Variants in ABCA3 observed in about 807,000 individuals in gnomAD.
The protein encoded by ABCA3 is ATP binding cassette subfamily A member 3.
In ABCA3, 88 loss-of-function variants were observed where a neutral mutation model predicts 172.8. The observed-to-expected ratio is 0.51, with a 90% confidence interval of 0.43 to 0.61. The LOEUF (loss-of-function observed/expected upper bound fraction) is 0.61, where lower values mean the gene tolerates loss of function less well. ABCA3 is among the 20% of genes least tolerant of loss of function. ABCA3 has a pLI of 0.00. For synonymous variants in ABCA3, 1,066 were observed against 983.8 expected (o/e 1.08, Z -1.56); for missense variants, 2,164 against 2,301.0 (o/e 0.94, Z 1.22).
At chr16:2,323,369 G>A (rs759366639) in intron 7 of ABCA3, 154 bp downstream of exon 7, 57 of 924,436 alleles carry the variant, frequency 6.2e-5, no homozygotes, top group African/African-American at 2.1e-4. Flanking sequence ...TGTTTATTGC[G>A]GCACTATTCA....
Position 2,308,844 on chromosome 16 carries a change from C to A in ABCA3, c.1112-221G>T, listed in dbSNP as rs141386657. Among the ~76,000 whole-genome samples the A allele has an allele frequency of 1.5e-3, 225 of 152,326 alleles. 2 individuals are homozygous for A. Among genetic ancestry groups the A allele is most frequent in the African/African-American group, 5.1e-3 (210 of 41,574 alleles). ...GTAGTGCCCCCATCCCAGGGACCCC[C>A]ACACCAACACCTCCAGCCCCTCCTC... On this transcript the variant is annotated intron_variant, in intron 10 of 32. Coordinates refer to ENST00000301732, the MANE Select transcript of ABCA3 (RefSeq NM_001089.3).
chr16:2,334,243 T>C (rs2093748117), intron 1 of ABCA3, among the ~76,000 whole-genome samples: 1 of 151,762 alleles, frequency 6.6e-6, no homozygotes, highest in East Asian at 1.9e-4. Context: ...AGACAGACTG[T>C]GTATGGGGAG....
intron 11 of ABCA3, among the ~76,000 whole-genome samples, chr16:2,305,525 GAC>G (rs1317635154): frequency 6.6e-6 from 1 of 152,094 alleles, no homozygotes; most frequent in East Asian, 1.9e-4. Flanking sequence ...TCGATCTCTT[GAC>G]CCCATGACCC....
intron 11 of ABCA3, among the ~76,000 whole-genome samples, 177 bp downstream of exon 11, chr16:2,308,273 G>T (rs969307092): frequency 6.6e-6 from 1 of 152,146 alleles, no homozygotes; most frequent in Non-Finnish European, 1.5e-5. Context: ...CTCGCCCGGG[G>T]CCGTGTCCAG....
chr16:2,317,535 G>A (rs1372507831), intron 9 of ABCA3, 113 bp downstream of exon 9: 34 of 1,581,232 alleles, frequency 2.2e-5, no homozygotes, highest in Non-Finnish European at 2.5e-5. Flanking sequence ...TCTCCCCCAT[G>A]AGGGACAGAC....
At chr16:2,334,515 ATTT>A (rs35067281) in intron 1 of ABCA3, among the ~76,000 whole-genome samples, 1 of 140,586 alleles carries the variant, frequency 7.1e-6, no homozygotes, top group African/African-American at 2.6e-5. Flanking sequence ...AACACCAGTA[ATTT>A]TTTTTTTTTT....
Position 2,284,182 on chromosome 16 carries a change from C to G in ABCA3, c.3862+97G>C. Reference sequence around the variant, plus strand: ...AGGAACGCACCAGCCCCAGGCCACTCAGACGCAGAGGAGCCCCTGCCCTAG... The same window carrying G: ...AGGAACGCACCAGCCCCAGGCCACTGAGACGCAGAGGAGCCCCTGCCCTAG... On this transcript the variant is annotated intron_variant, in intron 25 of 32. Coordinates refer to ENST00000301732, the MANE Select transcript of ABCA3 (RefSeq NM_001089.3). This position sits in a 1 kb window ranked among gnomAD's most constrained non-coding sequence, Gnocchi z 5.9. The G allele has an allele frequency of 6.9e-7, 1 of 1,447,788 alleles. No homozygotes were observed. Among genetic ancestry groups the G allele is most frequent in the South Asian group, 1.3e-5 (1 of 74,868 alleles). The allele number at this position is 1,447,788 out of a possible 1,614,324, so 89.7% of individuals were successfully genotyped here.
rs1567338238 is a variant in ABCA3, at chr16:2,284,906, G to A, written c.3576C>T (p.Ile1192=). 1 of 1,613,918 alleles carries A rather than the reference G, an allele frequency of 6.2e-7. No homozygotes were observed. Among genetic ancestry groups the A allele is most frequent in the Non-Finnish European group, 8.5e-7 (1 of 1,180,002 alleles). ...AGTTCATCAGGTACATGAGGGGGAT[G>A]ATGGCCCAGCCGTAGAGCAGGAGCA... ...LLLLLLYGWA[I]IPLMYLMNFF... Residue 1192 remains isoleucine, a synonymous_variant, in exon 24 of 33, where the codon ATC becomes ATT. Transcript: ENST00000301732. The surrounding 1 kb of genome is among the most constrained non-coding windows in gnomAD (Gnocchi z 5.9).
At chr16:2,307,122 CAAAAAAGAAAAGAAA>C (rs1444303665) in intron 11 of ABCA3, among the ~76,000 whole-genome samples, 2 of 150,440 alleles carry the variant, frequency 1.3e-5, no homozygotes, top group South Asian at 2.1e-4. Flanking sequence ...TCTCAAAAAA[CAAAAAAGAAAAGAAA>C]AAAAATGCTG....
In ABCA3 at chr16:2,278,982, AGCAGGCCCCGCAGAGTGTTCTCCAC is replaced by A. The variant is rs1233027765; in HGVS notation, c.4483_4507del (p.Val1495CysfsTer21). On this transcript the variant is annotated frameshift_variant, in exon 29 of 33. Coordinates refer to ENST00000301732, the MANE Select transcript of ABCA3 (RefSeq NM_001089.3). LOFTEE classifies it high-confidence loss of function. This position sits in a 1 kb window ranked among gnomAD's most constrained non-coding sequence, Gnocchi z 4.4. ...CAGCTTGTTGGCATGTGGCTCCAGCAGCAGGCCCCGCAGAGTGTTCTCCACGCAGGCCCCGATGTGGCGCTCAGGG... is the reference window on the plus strand; with the variant it reads ...CAGCTTGTTGGCATGTGGCTCCAGCAGCAGGCCCCGATGTGGCGCTCAGGG... The A allele has an allele frequency of 5.6e-6, 9 of 1,613,482 alleles. No homozygotes were observed. Among genetic ancestry groups the A allele is most frequent in the Non-Finnish European group, 6.8e-6 (8 of 1,180,058 alleles).
At chr16:2,322,164 C>T (rs1290333577) in intron 7 of ABCA3, among the ~76,000 whole-genome samples, 3 of 150,532 alleles carry the variant, frequency 2.0e-5, no homozygotes, top group Non-Finnish European at 4.4e-5. Flanking sequence ...CGCCACTGCA[C>T]TCCAGCTTGG....
intron 19 of ABCA3, among the ~76,000 whole-genome samples, chr16:2,291,542 G>A (rs2093671981): frequency 6.6e-6 from 1 of 152,220 alleles, no homozygotes; most frequent in African/African-American, 2.4e-5. Context: ...AAGAAGAGCT[G>A]GGCACGCCTC....
In ABCA3 at chr16:2,279,147, GC is replaced by G; in HGVS notation, c.4360-18del. 9 of 1,608,982 alleles carry G rather than the reference GC, an allele frequency of 5.6e-6. No homozygotes were observed. Among genetic ancestry groups the G allele is most frequent in the Non-Finnish European group, 6.8e-6 (8 of 1,179,716 alleles). ...CTGCCGCACCTGGGGTCGGAGCATA[GC>G]CGGGGAGGGAGGCGGGTTGGAGGGA... On this transcript the variant is annotated intron_variant, in intron 28 of 32. Coordinates refer to ENST00000301732, the MANE Select transcript of ABCA3 (RefSeq NM_001089.3). This position sits in a 1 kb window ranked among gnomAD's most constrained non-coding sequence, Gnocchi z 4.4.
intron 1 of ABCA3, among the ~76,000 whole-genome samples, chr16:2,340,016 C>T (rs2093758024): frequency 6.6e-6 from 1 of 152,268 alleles, no homozygotes; most frequent in Admixed American, 6.5e-5. Context: ...GCAGCAAACG[C>T]CCGCCGCGGA....
chr16:2,288,418 G>C, intron 20 of ABCA3, 89 bp from the exon 21 acceptor site: 1 of 1,433,390 alleles, frequency 7.0e-7, no homozygotes, highest in South Asian at 1.3e-5. Context: ...TGTTCTGTGT[G>C]ACGCCAGCCT....
chr16:2,299,826 G>C (rs1406186204), intron 13 of ABCA3, among the ~76,000 whole-genome samples, 179 bp downstream of exon 13: 1 of 152,154 alleles, frequency 6.6e-6, no homozygotes, highest in Non-Finnish European at 1.5e-5. Context: ...CTGGAGATGT[G>C]GTCTGTGCCC....
intron 7 of ABCA3, among the ~76,000 whole-genome samples, chr16:2,322,533 C>T (rs2093727757): frequency 8.2e-6 from 1 of 121,438 alleles, no homozygotes; most frequent in Admixed American, 9.1e-5. Context: ...TCCCCCCGCC[C>T]CCCCACCCCA....
At chr16:2,304,378 A>AC (rs1312329130) in intron 11 of ABCA3, among the ~76,000 whole-genome samples, 1 of 152,024 alleles carries the variant, frequency 6.6e-6, no homozygotes, top group African/African-American at 2.4e-5. Flanking sequence ...CAGCTCATTC[A>AC]CTGACTAGAC....
intron 3 of ABCA3, among the ~76,000 whole-genome samples, chr16:2,328,014 C>T (rs752729727): frequency 6.6e-6 from 1 of 152,178 alleles, no homozygotes; most frequent in South Asian, 2.1e-4. Flanking sequence ...AGCCACTGTG[C>T]CCAGCTGCCA....
Sources: allele counts gnomAD v4.1 joint callset (sites outside exome capture counted in the v4.1 genomes callset), GRCh38; gene constraint gnomAD v4.1.1; non-coding constraint Gnocchi (gnomAD v3.1); transcripts MANE v1.5; gene names NCBI Gene and HGNC (gene_info 2026-07-23, HGNC 2026-07-21).